ACVR1B: variants seen among roughly 807,000 people sequenced by gnomAD.
ACVR1B encodes activin receptor type-1B.
ACVR1B carries 15 observed loss-of-function variants against 55.6 expected under a neutral mutation model. The observed-to-expected ratio is 0.27, with a 90% confidence interval of 0.18 to 0.42. The LOEUF (loss-of-function observed/expected upper bound fraction) is 0.42. ACVR1B is among the 10% of genes least tolerant of loss of function. The probability of loss-of-function intolerance (pLI) is 1.00; values close to 1 mark genes in which losing one functional copy is unlikely to be tolerated. For missense variants in ACVR1B, 359 were observed against 670.1 expected (o/e 0.54, Z 5.13); for synonymous variants, 247 against 254.6 (o/e 0.97, Z 0.28).
At chr12:51,963,078 T>C (rs891550875) in intron 1 of ACVR1B, among the ~76,000 whole-genome samples, 4 of 152,158 alleles carry the variant, frequency 2.6e-5, no homozygotes, top group Non-Finnish European at 4.4e-5. Context: ...ATTGTATATG[T>C]TGTTTGGCAA....
At chr12:51,984,223 T>A in intron 5 of ACVR1B, 57 bp downstream of exon 5, 1 of 1,586,082 alleles carries the variant, frequency 6.3e-7, no homozygotes, top group Non-Finnish European at 8.6e-7. Flanking sequence ...GTCCGCAGTG[T>A]CCTGATTTAG....
At chr12:51,982,173 G>A (rs552635351) in intron 4 of ACVR1B, among the ~76,000 whole-genome samples, 5 of 152,292 alleles carry the variant, frequency 3.3e-5, no homozygotes, top group Non-Finnish European at 5.9e-5. Flanking sequence ...GAGCCCAGTT[G>A]AGACAAAGGT....
At chr12:51,983,691 T>G (rs945815444) in intron 4 of ACVR1B, among the ~76,000 whole-genome samples, 17 of 152,232 alleles carry the variant, frequency 1.1e-4, no homozygotes, top group Admixed American at 1.1e-3. Flanking sequence ...CCCAGGCATA[T>G]GCCTCCTCTT....
At chr12:51,977,981 A>G (rs1420264748) in intron 3 of ACVR1B, among the ~76,000 whole-genome samples, 1 of 152,026 alleles carries the variant, frequency 6.6e-6, no homozygotes, top group Non-Finnish European at 1.5e-5. Context: ...GACGTGGGAC[A>G]AGACTGTTGT....
chr12:51,951,754 C>A lies in ACVR1B; in HGVS notation c.11C>A (p.Ser4Ter). Reference sequence around the variant, plus strand: ...GCGGCGGTGGTTACTATGGCGGAGTCGGCCGGAGCCTCCTCCTTCTTCCCC... The same window carrying A: ...GCGGCGGTGGTTACTATGGCGGAGTAGGCCGGAGCCTCCTCCTTCTTCCCC... The part of the protein sequence containing the change: MAE[S>*]AGASSFFPLV... The change falls in exon 1 of 9, where the codon TCG (serine) becomes TAG (stop). Residue 4 changes from serine (S) to a stop codon, truncating the protein, a stop_gained. Transcript: ENST00000257963. LOFTEE classifies it high-confidence loss of function. The A allele has an allele frequency of 7.8e-7, 1 of 1,277,414 alleles. No individual in the cohort carries two copies. Among genetic ancestry groups the A allele is most frequent in the Non-Finnish European group, 1.0e-6 (1 of 1,003,406 alleles). 79.1% of individuals were successfully genotyped at this position (1,277,414 alleles called of 1,614,324 possible). A position where few individuals can be genotyped will look rare whatever the true frequency, so the allele number is the denominator to read the frequency against.
chr12:51,983,996 C>T lies in ACVR1B; in HGVS notation c.812-3C>T, dbSNP rs371360262. Reference sequence around the variant, plus strand: ...TCTGGGACTCATCTGTGGTTCTCTGCAGATAATGGCACCTGGACACAGCTG... The same window carrying T: ...TCTGGGACTCATCTGTGGTTCTCTGTAGATAATGGCACCTGGACACAGCTG... On this transcript the variant is annotated splice_region_variant and splice_polypyrimidine_tract_variant and intron_variant, in intron 4 of 8. Coordinates refer to ENST00000257963, the MANE Select transcript of ACVR1B (RefSeq NM_004302.5). 13 of 1,614,002 alleles carry T rather than the reference C, an allele frequency of 8.1e-6. No homozygotes were observed. In the African/African-American group the frequency reaches 1.6e-4, roughly 20 times the overall value.
In ACVR1B at chr12:51,976,595, A is replaced by ATC. The variant is rs761617494; in HGVS notation, c.580+21_580+22dup. 1 of 1,611,098 alleles carries ATC rather than the reference A, an allele frequency of 6.2e-7. No homozygotes were observed. The highest frequency in any genetic ancestry group is 1.1e-5 in the South Asian group (1 of 90,984). Reference sequence around the variant, plus strand: ...GCTCAGGTACCAAGTTCTTCAGGGCATCATGTCTGTGGTTGGCTTTCATCA... The same window carrying ATC: ...GCTCAGGTACCAAGTTCTTCAGGGCATCTCATGTCTGTGGTTGGCTTTCATCA... On this transcript the variant is annotated intron_variant, in intron 3 of 8. Coordinates refer to ENST00000257963, the MANE Select transcript of ACVR1B (RefSeq NM_004302.5).
At chr12:51,980,725 T>C (rs1941961890) in intron 3 of ACVR1B, among the ~76,000 whole-genome samples, 1 of 152,126 alleles carries the variant, frequency 6.6e-6, no homozygotes, top group South Asian at 2.1e-4. Flanking sequence ...ATTGCCTAGA[T>C]AAGGAGTAGC....
chr12:51,978,698 G>GT (rs1941916290), intron 3 of ACVR1B, among the ~76,000 whole-genome samples: 1 of 10,768 alleles, frequency 9.3e-5, no homozygotes, highest in South Asian at 7.9e-3. Context: ...GGGCGTGGTG[G>GT]CGGCGCCTGT....
intron 2 of ACVR1B, among the ~76,000 whole-genome samples, chr12:51,975,915 G>A (rs1326338836): frequency 2.0e-5 from 3 of 152,212 alleles, no homozygotes; most frequent in Admixed American, 6.5e-5. Context: ...GACCAAAGCC[G>A]AGAAACACCA....
intron 3 of ACVR1B, among the ~76,000 whole-genome samples, chr12:51,977,422 T>C (rs1941882562): frequency 6.6e-6 from 1 of 152,088 alleles, no homozygotes; most frequent in Non-Finnish European, 1.5e-5. Context: ...CTCAGCCTCC[T>C]GAGTAGCTGG....
At chr12:51,993,784 AAAAAAAAAAAAAAAAAAAAAGG>A (rs1431734319) in intron 8 of ACVR1B, among the ~76,000 whole-genome samples, 179 bp from the exon 9 acceptor site, 5 of 140,790 alleles carry the variant, frequency 3.6e-5, no homozygotes, top group African/African-American at 1.4e-4. Context: ...AAAAAAAAAA[AAAAAAAAAAAAAAAAAAAAAGG>A]AAGAGCCAGG....
At chr12:51,967,068 G>A (rs1180816782) in intron 1 of ACVR1B, among the ~76,000 whole-genome samples, 5 of 151,750 alleles carry the variant, frequency 3.3e-5, no homozygotes, top group East Asian at 1.9e-4. Flanking sequence ...GTGAAACCCC[G>A]TCTCTACTAC....
chr12:51,966,101 C>CA (rs1156548054), intron 1 of ACVR1B, among the ~76,000 whole-genome samples: 5 of 151,980 alleles, frequency 3.3e-5, no homozygotes, highest in Admixed American at 3.3e-4. Context: ...ATTAACATCA[C>CA]AAAAAGAGAC....
intron 1 of ACVR1B, among the ~76,000 whole-genome samples, chr12:51,974,036 A>C (rs1941798420): frequency 6.6e-6 from 1 of 152,220 alleles, no homozygotes. Context: ...GAGTTATGAC[A>C]GGGTGGCTTT....
chr12:51,978,131 A>G (rs1251024343), intron 3 of ACVR1B, among the ~76,000 whole-genome samples: 1 of 152,080 alleles, frequency 6.6e-6, no homozygotes, highest in Non-Finnish European at 1.5e-5. Context: ...TGATGGATAT[A>G]TTTAAAAGCT....
chr12:51,969,852 A>C (rs564620353), intron 1 of ACVR1B, among the ~76,000 whole-genome samples: 1 of 152,278 alleles, frequency 6.6e-6, no homozygotes, highest in South Asian at 2.1e-4. Context: ...ACCTGTAAAT[A>C]GCCACTGCAC....
intron 1 of ACVR1B, among the ~76,000 whole-genome samples, chr12:51,968,078 T>A (rs1941675449): frequency 1.3e-5 from 2 of 151,864 alleles, no homozygotes; most frequent in East Asian, 3.9e-4. Context: ...CTACTGAAAA[T>A]ACAAAAAACT....
At chr12:51,979,758 T>C (rs988050263) in intron 3 of ACVR1B, among the ~76,000 whole-genome samples, 1 of 152,094 alleles carries the variant, frequency 6.6e-6, no homozygotes, top group Non-Finnish European at 1.5e-5. Flanking sequence ...TGAATGTTCA[T>C]TTTTTCCTTT....
Sources: gnomAD v4.1 joint callset for allele counts (sites outside exome capture counted in the v4.1 genomes callset) on GRCh38, gnomAD v4.1.1 for gene constraint, MANE v1.5 for transcripts, NCBI Gene and HGNC (gene_info 2026-07-23, HGNC 2026-07-21) for gene names.